Variants in PTGFRN observed in about 807,000 individuals in gnomAD.
The protein encoded by PTGFRN is prostaglandin F2 receptor negative regulator.
Under a neutral mutation model 83.2 loss-of-function variants are expected in PTGFRN, and 35 were observed. That is an observed-to-expected ratio of 0.42 (90% CI 0.32 to 0.56). PTGFRN has a LOEUF of 0.56. Ranked by LOEUF, PTGFRN falls within the 20% of genes least tolerant of loss-of-function variation. The probability of loss-of-function intolerance (pLI) is 0.11; values close to 1 mark genes in which losing one functional copy is unlikely to be tolerated. For missense variants in PTGFRN, 1,051 were observed against 1,179.5 expected (o/e 0.89, Z 1.60); for synonymous variants, 519 against 498.6 (o/e 1.04, Z -0.55).
chr1:116,961,353 C>T lies in PTGFRN; in HGVS notation c.1324C>T (p.Arg442Ter), dbSNP rs763937461. 5.0e-6 allele frequency: 8 copies of T among 1,592,040 alleles called. No individual in the cohort carries two copies. The highest frequency in any genetic ancestry group is 2.2e-5 in the East Asian group (1 of 44,588). ...VDTKSGEANVRFTVSWYYRMN... is the reference protein window; with the variant it reads ...VDTKSGEANV ...CACGAAGAGTGGGGAGGCGAATGTC[C>T]GATTCACGGTTTCGTGGTACTACAG... The change falls in exon 5 of 9, where the codon CGA (arginine) becomes TGA (stop). Residue 442 changes from arginine (R) to a stop codon, truncating the protein, a stop_gained. Transcript: ENST00000393203. LOFTEE classifies it high-confidence loss of function. The surrounding 1 kb of genome is among the most constrained non-coding windows in gnomAD (Gnocchi z 5.4).
chr1:116,920,623 G>A (rs1165764603), intron 1 of PTGFRN, among the ~76,000 whole-genome samples: 10 of 152,152 alleles, frequency 6.6e-5, no homozygotes, highest in Admixed American at 6.6e-4. Flanking sequence ...TAGAAGAGTT[G>A]AAATACTTTT....
intron 1 of PTGFRN, among the ~76,000 whole-genome samples, chr1:116,919,185 G>T (rs1649478009): frequency 1.3e-5 from 2 of 152,160 alleles, no homozygotes; most frequent in Non-Finnish European, 2.9e-5. Context: ...ATCTGACTGG[G>T]TTGGGCCTGA....
At chr1:116,930,238 C>T (rs1649759441) in intron 1 of PTGFRN, among the ~76,000 whole-genome samples, 1 of 152,220 alleles carries the variant, frequency 6.6e-6, no homozygotes, top group Admixed American at 6.5e-5. Context: ...TCTTGCATCC[C>T]TTGGCTGCTA....
chr1:116,945,124 T>A (rs1165041420), intron 3 of PTGFRN, 32 bp downstream of exon 3: 1 of 1,568,188 alleles, frequency 6.4e-7, no homozygotes, highest in East Asian at 2.3e-5. Flanking sequence ...ATAGGTGATG[T>A]TATTTTGTGA....
At chr1:116,916,032 G>T (rs1412325349) in intron 1 of PTGFRN, among the ~76,000 whole-genome samples, 1 of 152,206 alleles carries the variant, frequency 6.6e-6, no homozygotes, top group Non-Finnish European at 1.5e-5. Flanking sequence ...AGTTAACACT[G>T]TCGTGTCCCA....
intron 1 of PTGFRN, among the ~76,000 whole-genome samples, chr1:116,933,246 C>A (rs1243080684): frequency 1.3e-5 from 2 of 152,052 alleles, no homozygotes; most frequent in African/African-American, 4.8e-5. Context: ...CCCCCTCCCC[C>A]ACCAATTAGC....
chr1:116,941,737 G>C lies in PTGFRN; in HGVS notation c.72G>C (p.Val24=), dbSNP rs767863406. The C allele has an allele frequency of 6.2e-7, 1 of 1,613,426 alleles. No homozygotes were observed. Among genetic ancestry groups the C allele is most frequent in the Non-Finnish European group, 8.5e-7 (1 of 1,179,566 alleles). The change falls in exon 2 of 9, where the codon GTG becomes GTC. Residue 24 remains valine (V), a synonymous_variant. Coordinates refer to ENST00000393203, the MANE Select transcript of PTGFRN (RefSeq NM_020440.4). This position sits in a 1 kb window ranked among gnomAD's most constrained non-coding sequence, Gnocchi z 5.0. ...CAGCTCTTTGCCGAGGGCGTGTGGTGAGAGTCCCCACAGCGACCCTGGTTC... is the reference window on the plus strand; with the variant it reads ...CAGCTCTTTGCCGAGGGCGTGTGGTCAGAGTCCCCACAGCGACCCTGGTTC... ...LSLALCRGRV[V]RVPTATLVRV... is the part of the protein sequence containing the mutation.
chr1:116,950,137 G>A (rs985808586), intron 4 of PTGFRN, among the ~76,000 whole-genome samples: 2 of 152,174 alleles, frequency 1.3e-5, no homozygotes, highest in Non-Finnish European at 2.9e-5. Flanking sequence ...CAGTGGAGGA[G>A]CAGAGTAGCT....
chr1:116,915,812 T>C (rs1649391729), intron 1 of PTGFRN, among the ~76,000 whole-genome samples: 1 of 152,240 alleles, frequency 6.6e-6, no homozygotes, highest in Non-Finnish European at 1.5e-5. Context: ...AGCTGTTTTG[T>C]TTAATTGCAT....
intron 6 of PTGFRN, among the ~76,000 whole-genome samples, chr1:116,969,049 T>G (rs1650917819): frequency 1.3e-5 from 2 of 152,098 alleles, no homozygotes; most frequent in South Asian, 4.1e-4. Context: ...TTCTGTGTGT[T>G]GTCTTTCACT....
At chr1:116,975,553 T>A (rs567694295) in intron 7 of PTGFRN, among the ~76,000 whole-genome samples, 30 of 152,302 alleles carry the variant, frequency 2.0e-4, no homozygotes, top group African/African-American at 7.0e-4. Context: ...AGCAGAAACA[T>A]TTGCTGTTCA....
At chr1:116,938,776 A>G (rs1321151737) in intron 1 of PTGFRN, among the ~76,000 whole-genome samples, 1 of 152,224 alleles carries the variant, frequency 6.6e-6, no homozygotes, top group East Asian at 1.9e-4. Context: ...GAGACAAGGC[A>G]AGTTCCTTCT....
chr1:116,938,255 TC>T (rs1212860004), intron 1 of PTGFRN, among the ~76,000 whole-genome samples: 1 of 152,108 alleles, frequency 6.6e-6, no homozygotes, highest in East Asian at 1.9e-4. Context: ...AATGCTATAA[TC>T]CCAGCACTCT....
chr1:116,953,365 A>G (rs1300441549), intron 4 of PTGFRN, among the ~76,000 whole-genome samples: 1 of 152,228 alleles, frequency 6.6e-6, no homozygotes, highest in African/African-American at 2.4e-5. Flanking sequence ...AACTAATATC[A>G]GCTGTCTGTC....
In PTGFRN at chr1:116,910,048, C is replaced by T; in HGVS notation, c.-156C>T. The stretch of plus-strand genomic sequence containing the variant: ...CGGAGCCAGGGGCGCACGTACGCCC[C>T]AGCGCTGGGATTTATCGGCTCGCGA... On this transcript the variant is annotated 5_prime_UTR_variant, in exon 1 of 9. Coordinates refer to ENST00000393203, the MANE Select transcript of PTGFRN (RefSeq NM_020440.4). The T allele has an allele frequency of 1.2e-6, 1 of 830,710 alleles. No individual in the cohort carries two copies. The highest frequency in any genetic ancestry group is 2.0e-5 in the Admixed American group (1 of 48,832). The allele number at this position is 830,710 out of a possible 1,614,324, so 51.5% of individuals were successfully genotyped here.
intron 6 of PTGFRN, among the ~76,000 whole-genome samples, chr1:116,968,700 A>T (rs1650908609): frequency 6.6e-6 from 1 of 152,156 alleles, no homozygotes; most frequent in East Asian, 1.9e-4. Flanking sequence ...ATTAGTAATC[A>T]TTCCCATGCC....
At chr1:116,911,405 G>C (rs1308642388) in intron 1 of PTGFRN, among the ~76,000 whole-genome samples, 1 of 152,154 alleles carries the variant, frequency 6.6e-6, no homozygotes, top group East Asian at 1.9e-4. Flanking sequence ...GCCTTCTATA[G>C]CTACTCCCCT....
rs778728062 is a variant in PTGFRN at position 116,942,061 on chromosome 1, T to C, written c.396T>C (p.Tyr132=). 1.9e-6 allele frequency: 3 copies of C among 1,613,808 alleles called. No homozygotes were observed. The African/African-American group carries it at 4.0e-5, about 22-fold the overall frequency. The change falls in exon 2 of 9, where the codon TAT becomes TAC. Residue 132 remains tyrosine, a synonymous_variant. Transcript: ENST00000393203. The part of the protein sequence containing the change: ...PSTDATVQGN[Y]EDTVQVKVLA... ...CAGATGCCACTGTCCAGGGAAACTA[T>C]GAGGACACAGTGCAGGTTAAAGGTA...
chr1:116,937,610 G>A (rs1489069279), intron 1 of PTGFRN, among the ~76,000 whole-genome samples: 1 of 152,222 alleles, frequency 6.6e-6, no homozygotes, highest in Non-Finnish European at 1.5e-5. Context: ...GTTCAGACAA[G>A]GAGATGAATC....
Sources: gnomAD v4.1 joint callset for allele counts (sites outside exome capture counted in the v4.1 genomes callset) on GRCh38, gnomAD v4.1.1 for gene constraint, Gnocchi (gnomAD v3.1) non-coding constraint, MANE v1.5 for transcripts, NCBI Gene and HGNC (gene_info 2026-07-23, HGNC 2026-07-21) for gene names.